Variants in GALNT17 observed in about 807,000 individuals in gnomAD.
GALNT17 encodes the protein polypeptide N-acetylgalactosaminyltransferase 17.
In GALNT17, 29 loss-of-function variants were observed where a neutral mutation model predicts 63.7. The observed-to-expected ratio is 0.46, with a 90% CI of 0.34 to 0.62. The LOEUF (loss-of-function observed/expected upper bound fraction) is 0.62, where lower values mean the gene tolerates loss of function less well. Among genes scored for constraint, GALNT17 ranks in the 20% least tolerant of loss-of-function variants. The pLI is 0.01. For missense variants in GALNT17, 603 were observed against 799.6 expected (o/e 0.75, Z 2.97); for synonymous variants, 305 against 318.3 (o/e 0.96, Z 0.45).
intron 6 of GALNT17, among the ~76,000 whole-genome samples, chr7:71,650,065 C>A (rs2117020789): frequency 6.6e-6 from 1 of 152,324 alleles, no homozygotes; most frequent in African/African-American, 2.4e-5. Context: ...TGACTTCTCC[C>A]AAGTCCTAGC....
intron 9 of GALNT17, among the ~76,000 whole-genome samples, chr7:71,699,919 T>C (rs1281067494): frequency 4.0e-5 from 6 of 151,840 alleles, no homozygotes; most frequent in African/African-American, 1.5e-4. Flanking sequence ...AGTGATGGAG[T>C]GAGACCCCTG....
At chr7:71,545,739 T>TGTA (rs1562684936) in intron 5 of GALNT17, among the ~76,000 whole-genome samples, 1 of 152,216 alleles carries the variant, frequency 6.6e-6, no homozygotes, top group African/African-American at 2.4e-5. Flanking sequence ...CTAATCTTAC[T>TGTA]GTATTTGCTG....
chr7:71,362,619 G>A (rs1054782624), intron 2 of GALNT17, among the ~76,000 whole-genome samples: 6 of 152,178 alleles, frequency 3.9e-5, no homozygotes, highest in African/African-American at 4.8e-5. Context: ...ACGTGGCTGT[G>A]TGATTCAGAT....
chr7:71,523,744 AAAATAAAT>A (rs55683413), intron 5 of GALNT17, among the ~76,000 whole-genome samples: 6,981 of 137,542 alleles, frequency 0.051, 292 homozygotes, highest in African/African-American at 0.11. Flanking sequence ...CCTGTCTCAA[AAAATAAAT>A]AAATAAATAA....
chr7:71,568,345 G>A (rs1789384425), intron 5 of GALNT17, among the ~76,000 whole-genome samples: 1 of 152,202 alleles, frequency 6.6e-6, no homozygotes, highest in Non-Finnish European at 1.5e-5. Context: ...GCATACACGA[G>A]ATGTGCGTGG....
chr7:71,643,059 G>A (rs901921289), intron 6 of GALNT17, among the ~76,000 whole-genome samples: 8 of 152,164 alleles, frequency 5.3e-5, no homozygotes, highest in African/African-American at 1.2e-4. Flanking sequence ...GAACTTCGTC[G>A]ATAGGATGGA....
chr7:71,412,439 C>G (rs1583929745), intron 3 of GALNT17, among the ~76,000 whole-genome samples: 1 of 151,712 alleles, frequency 6.6e-6, no homozygotes, highest in South Asian at 2.1e-4. Flanking sequence ...GGAGCAATCT[C>G]GGCTCACTGC....
At chr7:71,358,033 G>T (rs1027700252) in intron 2 of GALNT17, among the ~76,000 whole-genome samples, 1 of 152,158 alleles carries the variant, frequency 6.6e-6, no homozygotes, top group African/African-American at 2.4e-5. Flanking sequence ...GCGGCAACCC[G>T]CTCGGGTCCC....
intron 9 of GALNT17, among the ~76,000 whole-genome samples, chr7:71,677,853 A>C (rs1168954315): frequency 1.3e-5 from 2 of 151,994 alleles, no homozygotes; most frequent in Admixed American, 1.3e-4. Flanking sequence ...GTGGTTTTGC[A>C]TTCCCCCGAG....
At chr7:71,693,303 C>CATAT (rs1214195779) in intron 9 of GALNT17, among the ~76,000 whole-genome samples, 1,307 of 121,938 alleles carry the variant, frequency 0.011, 66 homozygotes, top group African/African-American at 0.025. Context: ...CACACACACA[C>CATAT]ACACACATAT....
chr7:71,165,136 G>A (rs1788412828), intron 1 of GALNT17, among the ~76,000 whole-genome samples: 2 of 151,150 alleles, frequency 1.3e-5, no homozygotes, highest in Non-Finnish European at 3.0e-5. Context: ...AATTTGCTTC[G>A]CATTGGTGGA....
At chr7:71,612,508 G>A (rs969622276) in intron 6 of GALNT17, among the ~76,000 whole-genome samples, 3 of 152,204 alleles carry the variant, frequency 2.0e-5, no homozygotes, top group African/African-American at 7.2e-5. Flanking sequence ...AAGCCATGGT[G>A]CTAATATTCT....
intron 1 of GALNT17, among the ~76,000 whole-genome samples, chr7:71,232,179 G>A (rs1302564428): frequency 6.6e-6 from 1 of 152,138 alleles, no homozygotes; most frequent in Non-Finnish European, 1.5e-5. Flanking sequence ...TAAAGTGTGT[G>A]GATGCGCAGT....
At chr7:71,137,023 C>A (rs1405779897) in intron 1 of GALNT17, among the ~76,000 whole-genome samples, 1 of 150,112 alleles carries the variant, frequency 6.7e-6, no homozygotes, top group Non-Finnish European at 1.5e-5. Flanking sequence ...TCCCCACCCC[C>A]ACCCCCTTTT....
intron 1 of GALNT17, among the ~76,000 whole-genome samples, chr7:71,184,561 A>C (rs1216357363): frequency 1.4e-4 from 22 of 152,176 alleles, no homozygotes; most frequent in Admixed American, 1.4e-3. Context: ...GGCTCTGTTG[A>C]GTTAGAAACT....
chr7:71,519,617 C>A (rs1788497380), intron 5 of GALNT17, among the ~76,000 whole-genome samples: 2 of 152,102 alleles, frequency 1.3e-5, no homozygotes, highest in Admixed American at 1.3e-4. Context: ...GTGTGCACCA[C>A]CACGCCCAGG....
At chr7:71,372,564 G>A (rs148892287) in intron 2 of GALNT17, among the ~76,000 whole-genome samples, 3 of 152,244 alleles carry the variant, frequency 2.0e-5, no homozygotes, top group African/African-American at 4.8e-5. Context: ...TGGTCCTCCC[G>A]CCTCAGCCTC....
chr7:71,265,118 A>ATATATATTTT (rs1390488895), intron 1 of GALNT17, among the ~76,000 whole-genome samples: 22 of 37,440 alleles, frequency 5.9e-4, no homozygotes, highest in East Asian at 1.7e-3. Context: ...ATATATATAT[A>ATATATATTTT]TTTTTTTTTT....
At chr7:71,423,538 G>A (rs779366349) in intron 5 of GALNT17, among the ~76,000 whole-genome samples, 2 of 152,130 alleles carry the variant, frequency 1.3e-5, no homozygotes, top group Non-Finnish European at 2.9e-5. Flanking sequence ...AAGATAGCAC[G>A]ATGGAATAAT....
Sources: allele counts gnomAD v4.1 joint callset (sites outside exome capture counted in the v4.1 genomes callset), GRCh38; gene constraint gnomAD v4.1.1; transcripts MANE v1.5; gene names NCBI Gene and HGNC (gene_info 2026-07-23, HGNC 2026-07-21).